The following PCED1B variants were observed in gnomAD, a reference collection of about 807,000 sequenced individuals.
PCED1B encodes PC-esterase domain-containing protein 1B.
For missense variants in PCED1B, 573 were observed against 573.9 expected, an observed-to-expected ratio of 1.00 and a Z score of 0.02; for synonymous variants, 251 against 246.1, an observed-to-expected ratio of 1.02 and a Z score of -0.19.
chr12:47,080,488 C>G (rs1050798876), intron 1 of PCED1B, among the ~76,000 whole-genome samples: 27 of 152,122 alleles, frequency 1.8e-4, no homozygotes, highest in African/African-American at 6.0e-4. Context: ...CCGCTCGTTT[C>G]TAGGGAGGAG....
At chr12:47,168,635 A>G (rs1204363631) in intron 2 of PCED1B, among the ~76,000 whole-genome samples, 1 of 152,184 alleles carries the variant, frequency 6.6e-6, no homozygotes, top group African/African-American at 2.4e-5. Flanking sequence ...TGGCAAAGGC[A>G]CTTAAAGCTA....
chr12:47,149,044 A>G (rs1940896247), intron 2 of PCED1B, among the ~76,000 whole-genome samples: 1 of 152,214 alleles, frequency 6.6e-6, no homozygotes, highest in Non-Finnish European at 1.5e-5. Context: ...CTTCCCCAGA[A>G]AACTCAGTGG....
At chr12:47,209,781 G>A (rs1353495694) in intron 2 of PCED1B, 1 of 152,168 alleles carries the variant, frequency 6.6e-6, no homozygotes, top group African/African-American at 2.4e-5. Context: ...AATTTTATGT[G>A]ATTTAGCAGG....
chr12:47,170,192 TCAGAGAG>T (rs1483101557), intron 2 of PCED1B, among the ~76,000 whole-genome samples: 4 of 152,098 alleles, frequency 2.6e-5, no homozygotes, highest in Admixed American at 6.5e-5. Context: ...AGCACATGTT[TCAGAGAG>T]CACGGGGTTG....
chr12:47,116,698 TGTGTTAATCATGA>T (rs1286464398), intron 2 of PCED1B, among the ~76,000 whole-genome samples: 1 of 152,226 alleles, frequency 6.6e-6, no homozygotes, highest in African/African-American at 2.4e-5. Context: ...GATCCTGGAC[TGTGTTAATCATGA>T]GTGTTTTTTA....
intron 3 of PCED1B, among the ~76,000 whole-genome samples, chr12:47,226,096 C>T (rs1248296333): frequency 6.6e-6 from 1 of 152,100 alleles, no homozygotes; most frequent in Non-Finnish European, 1.5e-5. Flanking sequence ...ATTATTAATA[C>T]ATATATCTGT....
chr12:47,231,172 C>T (rs377560952), intron 3 of PCED1B, among the ~76,000 whole-genome samples: 2 of 152,258 alleles, frequency 1.3e-5, no homozygotes, highest in South Asian at 2.1e-4. Flanking sequence ...GGGCTTGGAA[C>T]CAAATTAATG....
At chr12:47,167,006 T>C (rs1042947123) in intron 2 of PCED1B, among the ~76,000 whole-genome samples, 9 of 152,140 alleles carry the variant, frequency 5.9e-5, no homozygotes, top group Non-Finnish European at 1.0e-4. Flanking sequence ...GAAAAGGGAT[T>C]TGGGACTTCT....
At chr12:47,230,425 C>T (rs912142655) in intron 3 of PCED1B, among the ~76,000 whole-genome samples, 1 of 151,652 alleles carries the variant, frequency 6.6e-6, no homozygotes, top group African/African-American at 2.4e-5. Flanking sequence ...GTAAGTACTT[C>T]ATAGTAGAAA....
chr12:47,177,682 A>T (rs909582944), intron 2 of PCED1B, among the ~76,000 whole-genome samples: 2 of 152,168 alleles, frequency 1.3e-5, no homozygotes, highest in East Asian at 3.8e-4. Flanking sequence ...GGCCAGGTGC[A>T]GTAGCTCATG....
chr12:47,098,676 G>T (rs1285068288), intron 1 of PCED1B, among the ~76,000 whole-genome samples: 1 of 152,132 alleles, frequency 6.6e-6, no homozygotes, highest in Non-Finnish European at 1.5e-5. Flanking sequence ...TAGAGATGGG[G>T]TTTCATTGTG....
At chr12:47,231,208 G>A (rs766904994) in intron 3 of PCED1B, among the ~76,000 whole-genome samples, 109 of 152,162 alleles carry the variant, frequency 7.2e-4, no homozygotes, top group Admixed American at 3.9e-3. Flanking sequence ...GAAGAGAAGC[G>A]CGTATGTTTT....
chr12:47,092,284 T>A (rs1186310853), intron 1 of PCED1B, among the ~76,000 whole-genome samples: 2 of 151,846 alleles, frequency 1.3e-5, no homozygotes, highest in African/African-American at 4.8e-5. Context: ...GGTGTTTGAG[T>A]TTTTTGATGC....
chr12:47,185,002 T>A (rs137996108), intron 2 of PCED1B, among the ~76,000 whole-genome samples: 60 of 152,206 alleles, frequency 3.9e-4, no homozygotes, highest in Non-Finnish European at 7.1e-4. Flanking sequence ...GCTGTCAGAC[T>A]CCTTCTTTTT....
chr12:47,098,200 A>G (rs1359194452), intron 1 of PCED1B, among the ~76,000 whole-genome samples: 3 of 152,298 alleles, frequency 2.0e-5, no homozygotes, highest in Admixed American at 6.5e-5. Flanking sequence ...CAATGAGACC[A>G]GGGGTAGACT....
At chr12:47,144,334 G>A (rs1332154585) in intron 2 of PCED1B, among the ~76,000 whole-genome samples, 8 of 152,144 alleles carry the variant, frequency 5.3e-5, no homozygotes, top group African/African-American at 1.4e-4. Context: ...CTCTGGTCCT[G>A]TAACAGGAGG....
intron 1 of PCED1B, among the ~76,000 whole-genome samples, chr12:47,080,202 C>T (rs912982610): frequency 1.3e-5 from 2 of 152,106 alleles, no homozygotes; most frequent in Non-Finnish European, 2.9e-5. Flanking sequence ...ACCCACTCGC[C>T]TACCAATTAC....
At position 47,235,411 on chromosome 12, in the gene PCED1B, C is replaced by G. The variant is rs1943945757; in HGVS notation, c.348C>G (p.Pro116=). The change falls in exon 4 of 4, where the codon CCC becomes CCG. Residue 116 remains proline (P), a synonymous_variant. Coordinates refer to ENST00000546455, the MANE Select transcript of PCED1B (RefSeq NM_138371.3). ...AGCTGCAGTCGGGCGAGCACGCCCC[C>G]GACCTGGTCATCATGAATTCCTGCC... The part of the protein sequence containing the change: ...LKELQSGEHA[P]DLVIMNSCLW... 2 of 1,614,176 alleles carry G rather than the reference C, an allele frequency of 1.2e-6. No homozygotes were observed. Among genetic ancestry groups the G allele is most frequent in the East Asian group, 4.5e-5 (2 of 44,882 alleles).
chr12:47,127,992 A>G (rs553833927), intron 2 of PCED1B, among the ~76,000 whole-genome samples: 2 of 152,290 alleles, frequency 1.3e-5, no homozygotes, highest in South Asian at 4.1e-4. Flanking sequence ...TTTGTAGGAG[A>G]ACAGTGCTGT....
Sources: allele counts gnomAD v4.1 joint callset (sites outside exome capture counted in the v4.1 genomes callset), GRCh38; gene constraint gnomAD v4.1.1; transcripts MANE v1.5; gene names NCBI Gene and HGNC (gene_info 2026-07-23, HGNC 2026-07-21).